IFT52: variants seen among roughly 807,000 people sequenced by gnomAD.
IFT52 encodes intraflagellar transport 52.
A neutral mutation model predicts 54.4 loss-of-function variants in IFT52; 44 were observed. The observed-to-expected ratio is 0.81, with a 90% CI of 0.63 to 1.04. The LOEUF (loss-of-function observed/expected upper bound fraction) is 1.04, where lower values mean the gene tolerates loss of function less well. Ranked by LOEUF, IFT52 falls within the 50% of genes least tolerant of loss-of-function variation. The pLI, the probability that IFT52 is intolerant of heterozygous loss-of-function variation, is 0.00. For missense variants in IFT52, 452 were observed against 523.6 expected (o/e 0.86, Z 1.33); for synonymous variants, 181 against 185.3 (o/e 0.98, Z 0.19).
At chr20:43,593,690 C>T (rs1981707590) in intron 1 of IFT52, among the ~76,000 whole-genome samples, 1 of 152,134 alleles carries the variant, frequency 6.6e-6, no homozygotes, top group Non-Finnish European at 1.5e-5. Flanking sequence ...TCACCTCAGC[C>T]TCCCGAATAG....
At chr20:43,627,159 T>A (rs1359809118) in intron 10 of IFT52, among the ~76,000 whole-genome samples, 2 of 146,440 alleles carry the variant, frequency 1.4e-5, no homozygotes, top group African/African-American at 2.6e-5. Context: ...AGAGCAAGAC[T>A]CCATCTCAGA....
At chr20:43,640,063 C>T (rs994573405) in intron 12 of IFT52, among the ~76,000 whole-genome samples, 4 of 151,968 alleles carry the variant, frequency 2.6e-5, no homozygotes, top group African/African-American at 9.7e-5. Context: ...ACTCAGGAGG[C>T]CCAGGTGGGA....
chr20:43,614,811 T>A (rs897816664), intron 7 of IFT52, among the ~76,000 whole-genome samples: 1 of 145,252 alleles, frequency 6.9e-6, no homozygotes, highest in African/African-American at 2.5e-5. Context: ...TTCTTTTTCT[T>A]TTTTTTTTTT....
intron 3 of IFT52, among the ~76,000 whole-genome samples, chr20:43,601,533 C>A (rs1333985184): frequency 6.6e-6 from 1 of 152,208 alleles, no homozygotes; most frequent in Non-Finnish European, 1.5e-5. Flanking sequence ...ACACCACATC[C>A]TTCATGTATC....
chr20:43,630,122 C>T (rs1196286313), intron 10 of IFT52, among the ~76,000 whole-genome samples: 1 of 152,168 alleles, frequency 6.6e-6, no homozygotes, highest in Admixed American at 6.5e-5. Context: ...CCTGTAGCTC[C>T]TGGCTGCATG....
Position 43,641,792 on chromosome 20 carries a change from C to CTGTTT in IFT52, c.1121-671_1121-667dup, listed in dbSNP as rs990116730. 1.6e-4 allele frequency among the ~76,000 whole-genome samples: 25 copies of CTGTTT among 152,030 alleles called. 1 individual carries two copies. The highest frequency in any genetic ancestry group is 3.4e-3 in the Middle Eastern group (1 of 292). The stretch of plus-strand genomic sequence containing the variant: ...TACAGGCGTGAGCCTTCACGCTCGG[C>CTGTTT]TGTTTTGTTTTGTTTTGTTTGAGAT... On this transcript the variant is annotated intron_variant, in intron 12 of 13. Coordinates refer to ENST00000373030, the MANE Select transcript of IFT52 (RefSeq NM_016004.5).
At chr20:43,627,746 T>G (rs1231212871) in intron 10 of IFT52, among the ~76,000 whole-genome samples, 1 of 151,658 alleles carries the variant, frequency 6.6e-6, no homozygotes, top group Non-Finnish European at 1.5e-5. Flanking sequence ...CTCTTTTTCT[T>G]TTTTTTTGAA....
At position 43,637,010 on chromosome 20, in the gene IFT52, A is replaced by G. The variant is rs6017129; in HGVS notation, c.1012-135A>G. ...GGTGTGGTTCCCAACTGAGGAATTA[A>G]GGATGTGAACTTCCTTATTCTCCTT... is the stretch of plus-strand genomic sequence containing the variant. On this transcript the variant is annotated intron_variant, in intron 11 of 13. Coordinates refer to ENST00000373030, the MANE Select transcript of IFT52 (RefSeq NM_016004.5). The G allele has an allele frequency of 0.78, 462,133 of 589,050 alleles. 181,987 individuals are homozygous for G. The highest frequency in any genetic ancestry group is 0.81 in the Middle Eastern group (1,714 of 2,106). The allele number at this position is 589,050 out of a possible 1,614,324, so 36.5% of individuals were successfully genotyped here. A position where few individuals can be genotyped will look rare whatever the true frequency, so the allele number is the denominator to read the frequency against.
intron 10 of IFT52, among the ~76,000 whole-genome samples, chr20:43,624,769 C>T (rs185643554): frequency 1.1e-4 from 17 of 152,220 alleles, no homozygotes; most frequent in African/African-American, 3.9e-4. Flanking sequence ...TCAGAAAGGG[C>T]CAGGGCTCAT....
At chr20:43,629,762 T>G (rs1985030132) in intron 10 of IFT52, among the ~76,000 whole-genome samples, 1 of 152,200 alleles carries the variant, frequency 6.6e-6, no homozygotes, top group African/African-American at 2.4e-5. Context: ...ACAATTGTCT[T>G]TAGCTCCCCT....
intron 10 of IFT52, among the ~76,000 whole-genome samples, chr20:43,626,533 A>G (rs993004276): frequency 4.6e-5 from 7 of 152,164 alleles, no homozygotes; most frequent in Non-Finnish European, 1.0e-4. Flanking sequence ...GGCATGAGCC[A>G]CAGCACCTGG....
intron 12 of IFT52, chr20:43,642,234 G>T: frequency 2.5e-6 from 1 of 393,552 alleles, no homozygotes; most frequent in Non-Finnish European, 4.5e-6. Flanking sequence ...TAGATCTGAG[G>T]AATAGGAAAG....
At chr20:43,646,373 C>T (rs1174293403) in intron 13 of IFT52, among the ~76,000 whole-genome samples, 5 of 152,084 alleles carry the variant, frequency 3.3e-5, no homozygotes, top group Non-Finnish European at 7.3e-5. Context: ...CTGGCTGTGC[C>T]GGATGCTCAT....
At chr20:43,638,644 G>GA (rs760203161) in intron 12 of IFT52, among the ~76,000 whole-genome samples, 252 of 152,172 alleles carry the variant, frequency 1.7e-3, no homozygotes, top group East Asian at 4.8e-3. Flanking sequence ...TTTAAAAATA[G>GA]AAAAAAACTA....
At chr20:43,646,489 G>C (rs1321763189) in intron 13 of IFT52, among the ~76,000 whole-genome samples, 2 of 152,144 alleles carry the variant, frequency 1.3e-5, no homozygotes, top group African/African-American at 4.8e-5. Context: ...GCTCTGTGTA[G>C]TGGGAGACAG....
chr20:43,633,603 G>A (rs1985326191), intron 10 of IFT52, among the ~76,000 whole-genome samples: 1 of 152,130 alleles, frequency 6.6e-6, no homozygotes, highest in South Asian at 2.1e-4. Context: ...AGCTACTCGG[G>A]AGGTTGAGGC....
chr20:43,635,619 G>A (rs546968973), intron 10 of IFT52, among the ~76,000 whole-genome samples: 17 of 152,198 alleles, frequency 1.1e-4, no homozygotes, highest in Non-Finnish European at 2.2e-4. Flanking sequence ...TTTTATGGCT[G>A]CGTAGTATTC....
At chr20:43,611,504 C>T (rs967026618) in intron 6 of IFT52, among the ~76,000 whole-genome samples, 1 of 140,570 alleles carries the variant, frequency 7.1e-6, no homozygotes, top group Non-Finnish European at 1.5e-5. Flanking sequence ...AGTGCAATGG[C>T]ACCATCTCAT....
intron 7 of IFT52, among the ~76,000 whole-genome samples, chr20:43,615,971 G>C (rs1983829104): frequency 1.3e-5 from 2 of 152,216 alleles, no homozygotes; most frequent in South Asian, 4.2e-4. Context: ...AGCCAGGCAC[G>C]GTGGCAGGCT....
Sources: gnomAD v4.1 joint callset for allele counts (sites outside exome capture counted in the v4.1 genomes callset) on GRCh38, gnomAD v4.1.1 for gene constraint, MANE v1.5 for transcripts, NCBI Gene and HGNC (gene_info 2026-07-23, HGNC 2026-07-21) for gene names.